The following RBPJ variants were observed in gnomAD, a reference collection of about 807,000 sequenced individuals.
RBPJ encodes the protein recombining binding protein suppressor of hairless.
A neutral mutation model predicts 67.8 loss-of-function variants in RBPJ; 9 were observed. The observed-to-expected ratio is 0.13, with a 90% CI of 0.08 to 0.23. The LOEUF (loss-of-function observed/expected upper bound fraction) is 0.23. RBPJ is among the 10% of genes least tolerant of loss of function. The pLI is 1.00. For synonymous variants in RBPJ, 198 were observed against 203.3 expected (o/e 0.97, Z 0.22); for missense variants, 305 against 595.6 (o/e 0.51, Z 5.08).
chr4:26,391,383 G>T (rs13108958), intron 2 of RBPJ, among the ~76,000 whole-genome samples: 1 of 152,204 alleles, frequency 6.6e-6, no homozygotes, highest in South Asian at 2.1e-4. Flanking sequence ...AGGCAATTTA[G>T]CTAGATTTTT....
upstream of RBPJ, among the ~76,000 whole-genome samples, chr4:26,319,252 T>C (rs1164594839): frequency 1.3e-5 from 2 of 152,066 alleles, no homozygotes; most frequent in African/African-American, 2.4e-5. Context: ...CCTCCTGCCC[T>C]AGAGCCTGAC....
At chr4:26,388,612 T>A (rs1731167051) in intron 2 of RBPJ, among the ~76,000 whole-genome samples, 1 of 152,080 alleles carries the variant, frequency 6.6e-6, no homozygotes, top group Admixed American at 6.6e-5. Context: ...ACACTCTCTC[T>A]CTCTCTCTCT....
chr4:26,213,735 C>T (rs1718519171), intron 1 of RBPJ, among the ~76,000 whole-genome samples: 1 of 152,144 alleles, frequency 6.6e-6, no homozygotes, highest in Non-Finnish European at 1.5e-5. Context: ...GGAAAGGTGA[C>T]TCTGGCTGTT....
chr4:26,115,963 C>T, the RBPJ span, among the ~76,000 whole-genome samples: 1 of 151,586 alleles, frequency 6.6e-6, no homozygotes, highest in Admixed American at 6.6e-5. Flanking sequence ...AAAAACTCTA[C>T]AATAGTCTTT....
At chr4:26,352,719 A>T (rs577576035) in intron 1 of RBPJ, among the ~76,000 whole-genome samples, 38 of 152,316 alleles carry the variant, frequency 2.5e-4, no homozygotes, top group Middle Eastern at 3.4e-3. Flanking sequence ...CAACAACAAA[A>T]ACCTCAAACA....
intron 1 of RBPJ, among the ~76,000 whole-genome samples, chr4:26,224,233 C>G (rs1719009872): frequency 6.6e-6 from 1 of 150,826 alleles, no homozygotes; most frequent in Admixed American, 6.6e-5. Flanking sequence ...CGTAAGAACA[C>G]AAGATTCTTT....
chr4:26,347,866 C>T (rs572889451), intron 1 of RBPJ, among the ~76,000 whole-genome samples: 1 of 151,762 alleles, frequency 6.6e-6, no homozygotes, highest in East Asian at 1.9e-4. Context: ...AAGTGGCACA[C>T]ATTCAGTAAT....
intron 3 of RBPJ, among the ~76,000 whole-genome samples, chr4:26,409,232 T>C (rs1439073786): frequency 1.3e-5 from 2 of 151,920 alleles, no homozygotes; most frequent in African/African-American, 2.4e-5. Context: ...ATTTAGAAAA[T>C]TGTGTTAAAG....
At chr4:26,309,528 C>T (rs1722355785) in intron 1 of RBPJ, among the ~76,000 whole-genome samples, 1 of 152,176 alleles carries the variant, frequency 6.6e-6, no homozygotes, top group Non-Finnish European at 1.5e-5. Flanking sequence ...TCATATTCCC[C>T]TTTTGCAGGT....
chr4:26,334,345 CT>C (rs534803368), intron 1 of RBPJ, among the ~76,000 whole-genome samples: 268 of 151,720 alleles, frequency 1.8e-3, no homozygotes, highest in Non-Finnish European at 3.3e-3. Context: ...CCTGGCCCAA[CT>C]TTTCTGCTTT....
chr4:26,401,046 C>T (rs1732736034), intron 2 of RBPJ, among the ~76,000 whole-genome samples: 1 of 152,152 alleles, frequency 6.6e-6, no homozygotes, highest in Admixed American at 6.5e-5. Context: ...TCCCATTTTC[C>T]CTCCCTCTGC....
intron 1 of RBPJ, among the ~76,000 whole-genome samples, chr4:26,381,481 T>G (rs542755949): frequency 2.4e-4 from 36 of 152,324 alleles, no homozygotes; most frequent in African/African-American, 8.7e-4. Flanking sequence ...TTACCTACAC[T>G]AACTAGCATT....
At chr4:26,109,579 C>CTCTATA in the RBPJ span, among the ~76,000 whole-genome samples, 3 of 29,388 alleles carry the variant, frequency 1.0e-4, no homozygotes, top group African/African-American at 6.3e-4. Context: ...CTCTCTCTCT[C>CTCTATA]TATATATATA....
intron 2 of RBPJ, among the ~76,000 whole-genome samples, chr4:26,389,397 G>A (rs1354160179): frequency 6.6e-6 from 1 of 151,138 alleles, no homozygotes; most frequent in African/African-American, 2.4e-5. Context: ...CCTTGCTGTG[G>A]ATAAGACAGA....
chr4:26,307,656 A>T (rs1009761250), intron 1 of RBPJ, among the ~76,000 whole-genome samples: 12 of 152,248 alleles, frequency 7.9e-5, no homozygotes, highest in African/African-American at 2.9e-4. Flanking sequence ...ACGATAGTTT[A>T]TAACTCTTAC....
intron 1 of RBPJ, among the ~76,000 whole-genome samples, chr4:26,242,784 T>C (rs1719692862): frequency 1.3e-5 from 2 of 152,096 alleles, no homozygotes; most frequent in African/African-American, 4.8e-5. Context: ...AATTATTAAT[T>C]TTCTTAAACC....
At chr4:26,294,251 C>T (rs1721782928) in intron 1 of RBPJ, among the ~76,000 whole-genome samples, 1 of 152,162 alleles carries the variant, frequency 6.6e-6, no homozygotes, top group East Asian at 1.9e-4. Flanking sequence ...GCACCTGCCA[C>T]CATGCCTGGC....
chr4:26,169,301 C>T, intron 1 of RBPJ, among the ~76,000 whole-genome samples: 1 of 152,234 alleles, frequency 6.6e-6, no homozygotes, highest in Non-Finnish European at 1.5e-5. Context: ...ACAGGACCCT[C>T]AGCTGCAGGT....
At chr4:26,117,445 A>G in the RBPJ span, among the ~76,000 whole-genome samples, 17 of 152,162 alleles carry the variant, frequency 1.1e-4, no homozygotes, top group African/African-American at 3.4e-4. Flanking sequence ...ATATTATACA[A>G]TAGGTAATAT....
Sources: allele counts gnomAD v4.1 joint callset (sites outside exome capture counted in the v4.1 genomes callset), GRCh38; gene constraint gnomAD v4.1.1; transcripts MANE v1.5; gene names NCBI Gene and HGNC (gene_info 2026-07-23, HGNC 2026-07-21).